PRDM16: variants seen among roughly 807,000 people sequenced by gnomAD.
PRDM16 encodes PR/SET domain 16.
PRDM16 carries 23 observed loss-of-function variants against 110.6 expected under a neutral mutation model. The ratio of observed to expected loss-of-function variants is 0.21; its 90% CI spans 0.15 to 0.29. PRDM16 has a LOEUF of 0.29. PRDM16 is among the 10% of genes least tolerant of loss of function. PRDM16 has a pLI of 1.00. For synonymous variants in PRDM16, 799 were observed against 781.8 expected, an observed-to-expected ratio of 1.02 and a Z score of -0.37; for missense variants, 1,615 against 1,794.3, an observed-to-expected ratio of 0.90 and a Z score of 1.81.
At position 3,431,954 on chromosome 1, in the gene PRDM16, T is replaced by A; in HGVS notation, c.3522-12T>A. The A allele has an allele frequency of 6.2e-7, 1 of 1,607,434 alleles. No individual in the cohort carries two copies. Among genetic ancestry groups the A allele is most frequent in the African/African-American group, 1.3e-5 (1 of 74,878 alleles). On this transcript the variant is annotated splice_polypyrimidine_tract_variant and intron_variant, in intron 15 of 16. Transcript: ENST00000270722. ...GACAGCAGGCCTTCCCTCTCCCCGG[T>A]CATTGGTGCAGGTGTGCTGAGGACC...
At chr1:3,256,655 A>G (rs947833857) in intron 3 of PRDM16, among the ~76,000 whole-genome samples, 5 of 152,040 alleles carry the variant, frequency 3.3e-5, no homozygotes, top group South Asian at 2.1e-4. Context: ...TCAGGAGATC[A>G]AGACCATCCT....
chr1:3,396,783 C>A (rs1569675129), intron 5 of PRDM16, among the ~76,000 whole-genome samples, 190 bp downstream of exon 5: 1 of 152,206 alleles, frequency 6.6e-6, no homozygotes, highest in South Asian at 2.1e-4. Flanking sequence ...CCCGCCTCCA[C>A]AAAGGCTCAA....
intron 2 of PRDM16, among the ~76,000 whole-genome samples, chr1:3,237,077 C>A (rs1639555673): frequency 6.6e-6 from 1 of 152,162 alleles, no homozygotes; most frequent in Non-Finnish European, 1.5e-5. Context: ...TCCGAGCAGA[C>A]ATGAGGAGGG....
intron 1 of PRDM16, among the ~76,000 whole-genome samples, chr1:3,160,766 C>A (rs1037546198): frequency 1.3e-5 from 2 of 152,186 alleles, no homozygotes; most frequent in African/African-American, 4.8e-5. Flanking sequence ...AAGAATGGGC[C>A]CATTTACTTC....
chr1:3,145,633 T>C (rs1023423197), intron 1 of PRDM16, among the ~76,000 whole-genome samples: 14 of 152,130 alleles, frequency 9.2e-5, no homozygotes, highest in Non-Finnish European at 4.4e-5. Flanking sequence ...CCTGCAGAGA[T>C]GTGTGTCCTG....
At position 3,088,048 on chromosome 1, in the gene PRDM16, C is replaced by T. The variant is rs1642190010; in HGVS notation, c.37+18752C>T. 3.3e-5 allele frequency among the ~76,000 whole-genome samples: 5 copies of T among 152,158 alleles called. No homozygotes were observed. In the South Asian group the frequency reaches 1.0e-3, roughly 32 times the overall value. ...TCTCTCACCTTCTAAAGTCAGCCAG[C>T]AGCCTGGTGGAGATTTATGAGGCCT... On this transcript the variant is annotated intron_variant, in intron 1 of 16. Transcript: ENST00000270722.
At chr1:3,106,313 G>A (rs1642651124) in intron 1 of PRDM16, among the ~76,000 whole-genome samples, 6 of 152,224 alleles carry the variant, frequency 3.9e-5, no homozygotes. Context: ...GGCTAGGAGG[G>A]AGGGGAGCTC....
intron 1 of PRDM16, among the ~76,000 whole-genome samples, chr1:3,094,428 G>A (rs565331177): frequency 1.3e-5 from 2 of 152,234 alleles, no homozygotes; most frequent in Non-Finnish European, 2.9e-5. Context: ...GCCCCAGCCC[G>A]TCTCAGGCCT....
At chr1:3,277,749 ACACACATG>A (rs1640620162) in intron 3 of PRDM16, among the ~76,000 whole-genome samples, 1 of 126,784 alleles carries the variant, frequency 7.9e-6, no homozygotes, top group Admixed American at 8.0e-5. Flanking sequence ...ACGCACACGC[ACACACATG>A]CACACACGCG....
At chr1:3,254,314 G>A (rs1640001574) in intron 3 of PRDM16, among the ~76,000 whole-genome samples, 3 of 152,136 alleles carry the variant, frequency 2.0e-5, no homozygotes, top group Non-Finnish European at 4.4e-5. Flanking sequence ...GGCCAGGGCA[G>A]TTAGGCAGGA....
Position 3,411,559 on chromosome 1 carries a change from C to T in PRDM16, c.1362C>T (p.Gly454=), listed in dbSNP as rs769149251. The change falls in exon 9 of 17, where the codon GGC becomes GGT. Residue 454 remains glycine (G), a synonymous_variant. Coordinates refer to ENST00000270722, the MANE Select transcript of PRDM16 (RefSeq NM_022114.4). ...FCEGKNHYTP[G]GIFAPGLPLT... is the part of the protein sequence containing the mutation. ...AGGGCAAGAACCATTACACGCCGGG[C>T]GGCATCTTTGCCCCGGGCCTGCCCT... 11 of 1,613,986 alleles carry T rather than the reference C, an allele frequency of 6.8e-6. No individual in the cohort carries two copies. Among genetic ancestry groups the T allele is most frequent in the East Asian group, 4.5e-5 (2 of 44,890 alleles).
intron 3 of PRDM16, among the ~76,000 whole-genome samples, chr1:3,279,024 T>C (rs1345820279): frequency 6.6e-6 from 1 of 152,148 alleles, no homozygotes; most frequent in Non-Finnish European, 1.5e-5. Flanking sequence ...CTGTCCACCT[T>C]TGGGGCAGGG....
chr1:3,088,747 G>A (rs1459563107), intron 1 of PRDM16, among the ~76,000 whole-genome samples: 1 of 144,374 alleles, frequency 6.9e-6, no homozygotes, highest in Non-Finnish European at 1.5e-5. Context: ...ACGGCGCCCG[G>A]CCATATTATT....
chr1:3,214,389 C>T lies in PRDM16; in HGVS notation c.387+27915C>T, dbSNP rs149595041. On this transcript the variant is annotated intron_variant, in intron 2 of 16. Transcript: ENST00000270722. Reference sequence around the variant, plus strand: ...GTCCACCCAATAGCACCGTCAGACTCGCAGGCCTCAGAACTCCAAGCCCTT... The same window carrying T: ...GTCCACCCAATAGCACCGTCAGACTTGCAGGCCTCAGAACTCCAAGCCCTT... Among the ~76,000 whole-genome samples the T allele has an allele frequency of 5.9e-3, 892 of 152,252 alleles. 6 individuals are homozygous for T. Among genetic ancestry groups the T allele is most frequent in the Non-Finnish European group, 0.01 (689 of 68,018 alleles).
At chr1:3,167,290 C>T (rs376803636) in intron 1 of PRDM16, among the ~76,000 whole-genome samples, 1 of 152,158 alleles carries the variant, frequency 6.6e-6, no homozygotes, top group Non-Finnish European at 1.5e-5. Flanking sequence ...TTTCTGAAAA[C>T]GACCCCGTTA....
rs893153708 is a variant in PRDM16, at chr1:3,255,838, T to C, written c.438+11701T>C. Among the ~76,000 whole-genome samples, 2 of 74,064 alleles carry C rather than the reference T, an allele frequency of 2.7e-5. No individual in the cohort carries two copies. The highest frequency in any genetic ancestry group is 4.5e-4 in the South Asian group (1 of 2,204). The allele number at this position is 74,064 out of a possible 152,430, so 48.6% of individuals were successfully genotyped here. Reference sequence around the variant, plus strand: ...CATTGTCACTTGTGCCCAAAGCCAATCCCGTGGCCGCACCGACACCCGAAG... The same window carrying C: ...CATTGTCACTTGTGCCCAAAGCCAACCCCGTGGCCGCACCGACACCCGAAG... On this transcript the variant is annotated intron_variant, in intron 3 of 16. Transcript: ENST00000270722. This position sits in a 1 kb window ranked among gnomAD's most constrained non-coding sequence, Gnocchi z 4.7.
intron 3 of PRDM16, among the ~76,000 whole-genome samples, chr1:3,292,742 C>T (rs879351890): frequency 2.0e-5 from 3 of 152,162 alleles, no homozygotes; most frequent in African/African-American, 4.8e-5. Flanking sequence ...ACGGAATTGG[C>T]GCGAAGGGAA....
intron 2 of PRDM16, among the ~76,000 whole-genome samples, chr1:3,186,898 G>A (rs1434741805): frequency 6.6e-6 from 1 of 152,196 alleles, no homozygotes; most frequent in African/African-American, 2.4e-5. Context: ...TGGTGGCCAC[G>A]CTGCCCCGGC....
intron 1 of PRDM16, among the ~76,000 whole-genome samples, chr1:3,118,106 T>A (rs12141827): frequency 1.3e-5 from 2 of 150,836 alleles, no homozygotes; most frequent in Non-Finnish European, 2.9e-5. Context: ...TACATGCATG[T>A]GTGTGTGCGT....
Sources: allele counts gnomAD v4.1 joint callset (sites outside exome capture counted in the v4.1 genomes callset), GRCh38; gene constraint gnomAD v4.1.1; non-coding constraint Gnocchi (gnomAD v3.1); transcripts MANE v1.5; gene names NCBI Gene and HGNC (gene_info 2026-07-23, HGNC 2026-07-21).